Variants in TUSC3 observed in about 807,000 individuals in gnomAD.
TUSC3 encodes tumor suppressor candidate 3.
Under a neutral mutation model 44.8 loss-of-function variants are expected in TUSC3, and 45 were observed. That is an observed-to-expected ratio of 1.00 (90% CI 0.79 to 1.29). The LOEUF (loss-of-function observed/expected upper bound fraction) is 1.29, where lower values mean the gene tolerates loss of function less well. TUSC3 is among the 50% of genes most tolerant of loss of function. The pLI is 0.00. For missense variants in TUSC3, 519 were observed against 437.9 expected (o/e 1.19, Z -1.65); for synonymous variants, 212 against 152.9 (o/e 1.39, Z -2.85).
At chr8:15,598,440 A>T (rs1563126188) in intron 1 of TUSC3, among the ~76,000 whole-genome samples, 1 of 151,830 alleles carries the variant, frequency 6.6e-6, no homozygotes, top group Non-Finnish European at 1.5e-5. Flanking sequence ...CATTTGTTAA[A>T]ATTCATGAAC....
chr8:15,754,576 C>G (rs539809511), intron 9 of TUSC3, among the ~76,000 whole-genome samples: 1 of 152,190 alleles, frequency 6.6e-6, no homozygotes, highest in East Asian at 1.9e-4. Flanking sequence ...ATAACACCTT[C>G]TACTTTTTTT....
At chr8:15,757,978 A>G in intron 10 of TUSC3, 123 bp downstream of exon 10, 2 of 1,489,552 alleles carry the variant, frequency 1.3e-6, no homozygotes, top group Non-Finnish European at 8.9e-7. Flanking sequence ...GATAACTTTT[A>G]ACTGTGAGAT....
chr8:15,666,481 T>G (rs527261155), intron 5 of TUSC3, among the ~76,000 whole-genome samples: 1 of 151,412 alleles, frequency 6.6e-6, no homozygotes, highest in Admixed American at 6.6e-5. Context: ...ACATTGGAGA[T>G]TAGTATATGT....
At chr8:15,510,445 TGAG>T (rs1190458361) in intron 2 of TUSC3, among the ~76,000 whole-genome samples, 1 of 151,730 alleles carries the variant, frequency 6.6e-6, no homozygotes, top group Non-Finnish European at 1.5e-5. Flanking sequence ...AAAGTGATAA[TGAG>T]GAAATATTAT....
At chr8:15,460,617 G>T (rs1800332653) in intron 1 of TUSC3, among the ~76,000 whole-genome samples, 1 of 152,164 alleles carries the variant, frequency 6.6e-6, no homozygotes, top group Non-Finnish European at 1.5e-5. Flanking sequence ...CCAATGTCTA[G>T]AAGGGTTTTT....
At chr8:15,438,951 C>T (rs909017988) in intron 1 of TUSC3, among the ~76,000 whole-genome samples, 130 of 152,130 alleles carry the variant, frequency 8.5e-4, no homozygotes, top group African/African-American at 3.0e-3. Flanking sequence ...GAGGAATCTA[C>T]AAAACACAGT....
the TUSC3 span, among the ~76,000 whole-genome samples, chr8:15,825,012 T>A: frequency 1.3e-5 from 2 of 152,176 alleles, no homozygotes; most frequent in African/African-American, 4.8e-5. Flanking sequence ...GTTGATTCAT[T>A]TAAATTTTCA....
At chr8:15,497,448 T>C (rs1366036353) in intron 2 of TUSC3, among the ~76,000 whole-genome samples, 1 of 152,166 alleles carries the variant, frequency 6.6e-6, no homozygotes, top group Non-Finnish European at 1.5e-5. Flanking sequence ...TAAAATTAGA[T>C]TCCAGAACTA....
chr8:15,806,800 A>G, the TUSC3 span: 2 of 846,738 alleles, frequency 2.4e-6, no homozygotes, highest in East Asian at 2.5e-5. Flanking sequence ...GCGGATTTGC[A>G]ATTTGTGAAG....
rs567639015 is a variant in TUSC3 at position 15,485,360 on chromosome 8, C to G, written n.189+1877C>G. Among the ~76,000 whole-genome samples, 3 of 152,050 alleles carry G rather than the reference C, an allele frequency of 2.0e-5. No homozygotes were observed. In the East Asian group the frequency reaches 5.8e-4, roughly 29 times the overall value. ...TTTGCTGCATTTTTATCTTTATTGG[C>G]CATTGACTATTTTTGATCACGTGTT... On this transcript the variant is annotated intron_variant and non_coding_transcript_variant, in intron 2 of 5. Transcript: ENST00000503191.
intron 6 of TUSC3, among the ~76,000 whole-genome samples, chr8:15,697,840 A>G (rs1005410103): frequency 6.6e-6 from 1 of 152,242 alleles, no homozygotes; most frequent in Non-Finnish European, 1.5e-5. Context: ...ACTTAGCTAT[A>G]TACAATGCAA....
intron 1 of TUSC3, among the ~76,000 whole-genome samples, chr8:15,545,131 G>T (rs118124159): frequency 5.9e-5 from 9 of 151,472 alleles, no homozygotes; most frequent in Non-Finnish European, 1.2e-4. Context: ...GCCTGATGTC[G>T]TACAGTTAGA....
At chr8:15,443,636 A>G (rs1019868695) in intron 1 of TUSC3, among the ~76,000 whole-genome samples, 4 of 152,120 alleles carry the variant, frequency 2.6e-5, no homozygotes, top group African/African-American at 7.2e-5. Flanking sequence ...TAAAACAAAG[A>G]TGATAACAGC....
chr8:15,608,781 C>T (rs1336009420), intron 1 of TUSC3, among the ~76,000 whole-genome samples: 1 of 152,160 alleles, frequency 6.6e-6, no homozygotes, highest in Non-Finnish European at 1.5e-5. Flanking sequence ...CTGAGGCTCT[C>T]CAGCCATGCG....
At chr8:15,621,467 G>T (rs556319804) in intron 1 of TUSC3, among the ~76,000 whole-genome samples, 41 of 147,642 alleles carry the variant, frequency 2.8e-4, no homozygotes, top group Middle Eastern at 7.1e-3. Context: ...GTTTAATAAG[G>T]TTATTTTACT....
intron 6 of TUSC3, among the ~76,000 whole-genome samples, chr8:15,704,181 G>C (rs910449256): frequency 6.6e-6 from 1 of 151,468 alleles, no homozygotes; most frequent in African/African-American, 2.4e-5. Flanking sequence ...TGAAGGAAAT[G>C]AGAGAGTGAT....
intron 6 of TUSC3, among the ~76,000 whole-genome samples, chr8:15,703,631 G>T (rs895304849): frequency 6.6e-6 from 1 of 152,130 alleles, no homozygotes; most frequent in Non-Finnish European, 1.5e-5. Context: ...GCCTCAAGCT[G>T]CTTCCACTCA....
At chr8:15,564,545 T>C (rs1249041362) in intron 1 of TUSC3, among the ~76,000 whole-genome samples, 8 of 152,154 alleles carry the variant, frequency 5.3e-5, no homozygotes, top group Non-Finnish European at 7.4e-5. Context: ...GAGCTACTTA[T>C]GTCATTTTCC....
chr8:15,449,370 T>C (rs981699690), intron 1 of TUSC3, among the ~76,000 whole-genome samples: 5 of 152,152 alleles, frequency 3.3e-5, no homozygotes, highest in African/African-American at 4.8e-5. Context: ...GACCCTCTGA[T>C]GTCAAAAGGT....
Sources: allele counts gnomAD v4.1 joint callset (sites outside exome capture counted in the v4.1 genomes callset), GRCh38; gene constraint gnomAD v4.1.1; transcripts MANE v1.5; gene names NCBI Gene and HGNC (gene_info 2026-07-23, HGNC 2026-07-21).